SLC25A26: variants seen among roughly 807,000 people sequenced by gnomAD.
The protein encoded by SLC25A26 is solute carrier family 25 member 26, also known as mitochondrial S-adenosylmethionine carrier protein.
In SLC25A26, 36 loss-of-function variants were observed where a neutral mutation model predicts 37.8. The observed-to-expected ratio is 0.95, with a 90% CI of 0.73 to 1.26. The LOEUF (loss-of-function observed/expected upper bound fraction) is 1.26, where lower values mean the gene tolerates loss of function less well. Ranked by LOEUF, SLC25A26 falls within the 50% of genes most tolerant of loss-of-function variation. The pLI is 0.00. For missense variants in SLC25A26, 390 were observed against 331.1 expected (o/e 1.18, Z -1.38); for synonymous variants, 129 against 122.5 (o/e 1.05, Z -0.35).
chr3:66,162,344 C>CTTTTTTTT (rs562402223), intron 1 of SLC25A26, among the ~76,000 whole-genome samples: 4 of 47,350 alleles, frequency 8.4e-5, no homozygotes, highest in African/African-American at 7.4e-5. Flanking sequence ...ATTTTTTTTT[C>CTTTTTTTT]TTTTTTTTTT....
In SLC25A26 at chr3:66,191,127, C is replaced by T. The variant is rs986083948; in HGVS notation, c.-353-29615C>T. The stretch of plus-strand genomic sequence containing the variant: ...ACATATGAGTATGTGTCATTCATTG[C>T]AAAGGCACAGCCCTACTGTAAGGGA... On this transcript the variant is annotated intron_variant, in intron 1 of 10. Coordinates refer to the SLC25A26 transcript ENST00000676754. Among the ~76,000 whole-genome samples, 1,065 of 152,248 alleles carry T rather than the reference C, an allele frequency of 7.0e-3. 21 individuals are homozygous for T. The highest frequency in any genetic ancestry group is 0.025 in the African/African-American group (1,020 of 41,562).
chr3:66,196,498 G>A (rs1370954468), intron 1 of SLC25A26, among the ~76,000 whole-genome samples: 1 of 152,158 alleles, frequency 6.6e-6, no homozygotes, highest in African/African-American at 2.4e-5. Flanking sequence ...GGTGACTTGG[G>A]GAAGGGTCTA....
chr3:66,264,321 A>G (rs775544479), intron 5 of SLC25A26, among the ~76,000 whole-genome samples: 12 of 152,126 alleles, frequency 7.9e-5, no homozygotes, highest in Non-Finnish European at 1.2e-4. Flanking sequence ...TATCAAGTTT[A>G]TTACTGAATT....
chr3:66,243,229 T>G lies in SLC25A26; in HGVS notation c.217T>G (p.Tyr73Asp), dbSNP rs782051692. 1.2e-6 allele frequency: 2 copies of G among 1,606,822 alleles called. No homozygotes were observed. Among genetic ancestry groups the G allele is most frequent in the Non-Finnish European group, 1.7e-6 (2 of 1,175,228 alleles). ...TGCTGCATTTTTTATCACCTATGAA[T>G]ATGTGAAGTGGTTTTTGCATGCTGA... is the stretch of plus-strand genomic sequence containing the variant. ...NAAAFFITYEYVKWFLHADSS... is the reference protein window; with the variant it reads ...NAAAFFITYEDVKWFLHADSS... The change falls in exon 3 of 10, where the codon TAT (tyrosine) becomes GAT (aspartate). Residue 73 changes from tyrosine (Y) to aspartate (D), a missense_variant. By Grantham distance (160) the Tyr-to-Asp change is radical. Transcript: ENST00000354883.
intron 1 of SLC25A26, among the ~76,000 whole-genome samples, chr3:66,188,337 T>C (rs2070870190): frequency 2.0e-5 from 3 of 152,206 alleles, no homozygotes; most frequent in African/African-American, 2.4e-5. Flanking sequence ...ATTTTGAAAT[T>C]TGATCCTCAG....
chr3:66,209,902 A>T (rs1339827566), intron 1 of SLC25A26, among the ~76,000 whole-genome samples: 31 of 15,412 alleles, frequency 2.0e-3, no homozygotes, highest in East Asian at 6.9e-3. Context: ...CTCTATTTAT[A>T]TATATATATA....
At chr3:66,344,706 C>G (rs2076281238) in intron 5 of SLC25A26, among the ~76,000 whole-genome samples, 1 of 152,256 alleles carries the variant, frequency 6.6e-6, no homozygotes, top group East Asian at 1.9e-4. Context: ...CTGGACATTA[C>G]TTCAGCTGCT....
chr3:66,369,627 A>C (rs940035155), intron 8 of SLC25A26, 85 bp downstream of exon 8: 2 of 1,170,908 alleles, frequency 1.7e-6, no homozygotes, highest in African/African-American at 3.1e-5. Flanking sequence ...AGTGAACACA[A>C]ATGGCTACCA....
At chr3:66,255,967 A>T (rs72901282) in intron 3 of SLC25A26, among the ~76,000 whole-genome samples, 1 of 152,174 alleles carries the variant, frequency 6.6e-6, no homozygotes, top group African/African-American at 2.4e-5. Flanking sequence ...TTTCTTCTGC[A>T]TCTGTATTTT....
intron 5 of SLC25A26, among the ~76,000 whole-genome samples, chr3:66,334,850 T>G (rs180847556): frequency 9.2e-5 from 14 of 152,252 alleles, no homozygotes; most frequent in African/African-American, 2.6e-4. Flanking sequence ...TTGAGGGTTG[T>G]GTTGTTACTG....
chr3:66,261,885 T>C (rs968923257), intron 3 of SLC25A26, among the ~76,000 whole-genome samples, 166 bp from the exon 4 acceptor site: 2 of 151,922 alleles, frequency 1.3e-5, no homozygotes, highest in Non-Finnish European at 2.9e-5. Context: ...ATGTACATGC[T>C]TTAAGGGTCC....
intron 1 of SLC25A26, among the ~76,000 whole-genome samples, chr3:66,194,727 G>C (rs1254672537): frequency 2.6e-5 from 4 of 152,134 alleles, no homozygotes; most frequent in Non-Finnish European, 5.9e-5. Context: ...TCAGCCTCCC[G>C]CATAGCTGGG....
chr3:66,158,385 G>A (rs2106705901), intron 1 of SLC25A26, among the ~76,000 whole-genome samples: 1 of 151,942 alleles, frequency 6.6e-6, no homozygotes, highest in Admixed American at 6.6e-5. Flanking sequence ...TTCATTTTTT[G>A]GCTATTATGA....
chr3:66,208,874 A>G (rs1188446178), intron 1 of SLC25A26, among the ~76,000 whole-genome samples: 8 of 69,930 alleles, frequency 1.1e-4, no homozygotes, highest in African/African-American at 2.7e-4. Context: ...GTGTGTGTAT[A>G]TATATATATA....
At chr3:66,301,280 G>A (rs766970506) in intron 5 of SLC25A26, among the ~76,000 whole-genome samples, 12 of 152,360 alleles carry the variant, frequency 7.9e-5, no homozygotes, top group Non-Finnish European at 1.5e-4. Context: ...GCTTTGAAGT[G>A]TAATTTTGCT....
chr3:66,163,178 C>T (rs1031348392), intron 1 of SLC25A26, among the ~76,000 whole-genome samples: 1 of 152,168 alleles, frequency 6.6e-6, no homozygotes, highest in African/African-American at 2.4e-5. Flanking sequence ...ATAATTACAG[C>T]CATGATTTGG....
chr3:66,337,276 T>G (rs1443741240), intron 5 of SLC25A26, among the ~76,000 whole-genome samples: 2 of 152,142 alleles, frequency 1.3e-5, no homozygotes, highest in East Asian at 3.8e-4. Flanking sequence ...ATGACTGTAC[T>G]GTGAAAATGT....
intron 1 of SLC25A26, among the ~76,000 whole-genome samples, chr3:66,234,333 A>G (rs1386118691): frequency 3.3e-5 from 5 of 152,200 alleles, no homozygotes; most frequent in Non-Finnish European, 7.3e-5. Context: ...TTACTTTCCT[A>G]CATTACTTGT....
At chr3:66,219,176 A>C (rs1488349459), upstream of SLC25A26, among the ~76,000 whole-genome samples, 2 of 152,158 alleles carry the variant, frequency 1.3e-5, no homozygotes, top group African/African-American at 4.8e-5. Context: ...TGTCAGTGAA[A>C]GCTTATTAAT....
Sources: gnomAD v4.1 joint callset for allele counts (sites outside exome capture counted in the v4.1 genomes callset) on GRCh38, gnomAD v4.1.1 for gene constraint, MANE v1.5 for transcripts, NCBI Gene and HGNC (gene_info 2026-07-23, HGNC 2026-07-21) for gene names.